Variants in MYO1E observed in about 807,000 individuals in gnomAD.
MYO1E encodes the protein unconventional myosin-Ie.
MYO1E carries 68 observed loss-of-function variants against 151.1 expected under a neutral mutation model. The observed-to-expected ratio is 0.45, with a 90% CI of 0.37 to 0.55. MYO1E has a LOEUF of 0.55. Ranked by LOEUF, MYO1E falls within the 20% of genes least tolerant of loss-of-function variation. The probability of loss-of-function intolerance (pLI) is 0.00; values close to 1 mark genes in which losing one functional copy is unlikely to be tolerated. For missense variants in MYO1E, 1,363 were observed against 1,389.3 expected, an observed-to-expected ratio of 0.98 and a Z score of 0.30; for synonymous variants, 601 against 501.7, an observed-to-expected ratio of 1.20 and a Z score of -2.64.
At chr15:59,308,694 C>T (rs1452425168) in intron 1 of MYO1E, among the ~76,000 whole-genome samples, 2 of 146,040 alleles carry the variant, frequency 1.4e-5, no homozygotes, top group East Asian at 2.1e-4. Flanking sequence ...AAAAAATTAG[C>T]TGGGCATGGT....
chr15:59,158,924 C>G (rs1393029661), intron 24 of MYO1E, among the ~76,000 whole-genome samples: 2 of 152,140 alleles, frequency 1.3e-5, no homozygotes, highest in Admixed American at 1.3e-4. Flanking sequence ...GAGGAACAAG[C>G]TGGGGCCAAA....
intron 4 of MYO1E, among the ~76,000 whole-genome samples, chr15:59,244,238 C>T (rs1383484289): frequency 1.3e-5 from 2 of 152,222 alleles, no homozygotes; most frequent in Non-Finnish European, 2.9e-5. Flanking sequence ...ATATGGATGG[C>T]CCCATGGCAA....
At chr15:59,271,506 T>C (rs968825957) in intron 2 of MYO1E, among the ~76,000 whole-genome samples, 1 of 152,220 alleles carries the variant, frequency 6.6e-6, no homozygotes, top group South Asian at 2.1e-4. Context: ...CTTTACATAG[T>C]TGCATCAAAC....
chr15:59,228,891 A>C (rs1262589377), intron 6 of MYO1E, among the ~76,000 whole-genome samples: 4 of 152,192 alleles, frequency 2.6e-5, no homozygotes, highest in Admixed American at 6.5e-5. Context: ...AAGAAAGACC[A>C]CCGAAGGCGG....
chr15:59,201,014 T>A (rs4775126), intron 16 of MYO1E, among the ~76,000 whole-genome samples: 141,523 of 152,166 alleles, frequency 0.93, 66,692 homozygotes, highest in Non-Finnish European at 1. Flanking sequence ...GTATAATTTT[T>A]AAAAAAATTA....
At chr15:59,208,131 A>G (rs2079852734) in intron 14 of MYO1E, 2 of 1,490,030 alleles carry the variant, frequency 1.3e-6, no homozygotes, top group African/African-American at 1.4e-5. Flanking sequence ...GAGATCATAG[A>G]TACAGGATTA....
chr15:59,277,274 C>T (rs1200275806), intron 1 of MYO1E, among the ~76,000 whole-genome samples: 1 of 152,078 alleles, frequency 6.6e-6, no homozygotes, highest in Non-Finnish European at 1.5e-5. Context: ...GGGCCAGGCG[C>T]GGTGGCTCAT....
At chr15:59,267,547 G>T (rs976670131) in intron 2 of MYO1E, among the ~76,000 whole-genome samples, 2 of 152,174 alleles carry the variant, frequency 1.3e-5, no homozygotes, top group African/African-American at 4.8e-5. Context: ...CCAAGGGCCA[G>T]ACCTCACTCG....
chr15:59,151,072 TAGAG>T (rs1246156393), intron 26 of MYO1E, among the ~76,000 whole-genome samples: 50 of 139,280 alleles, frequency 3.6e-4, no homozygotes, highest in African/African-American at 9.2e-4. Context: ...CACGTGCACT[TAGAG>T]AGAGGTCTAC....
At chr15:59,186,470 A>G (rs543143550) in intron 18 of MYO1E, among the ~76,000 whole-genome samples, 34 of 152,238 alleles carry the variant, frequency 2.2e-4, no homozygotes, top group African/African-American at 7.9e-4. Context: ...GTTTCTGATT[A>G]AAATGCTCAG....
At chr15:59,161,267 C>G in intron 23 of MYO1E, 37 bp from the exon 24 acceptor site, 3 of 1,607,762 alleles carry the variant, frequency 1.9e-6, no homozygotes, top group Non-Finnish European at 2.6e-6. Context: ...GGTCGAAGGA[C>G]GCAGTGAGAA....
At chr15:59,247,454 A>T (rs995592275) in intron 4 of MYO1E, among the ~76,000 whole-genome samples, 1 of 152,242 alleles carries the variant, frequency 6.6e-6, no homozygotes, top group African/African-American at 2.4e-5. Context: ...GCCATCTACT[A>T]GTTTTGGATC....
chr15:59,345,320 A>G (rs2080788271), intron 1 of MYO1E, among the ~76,000 whole-genome samples: 1 of 152,092 alleles, frequency 6.6e-6, no homozygotes, highest in South Asian at 2.1e-4. Flanking sequence ...AAGCAAAGGT[A>G]TCAGGACTGA....
At chr15:59,347,980 A>T (rs1223497816) in intron 1 of MYO1E, among the ~76,000 whole-genome samples, 1 of 152,232 alleles carries the variant, frequency 6.6e-6, no homozygotes, top group Non-Finnish European at 1.5e-5. Flanking sequence ...ACACAGCTGT[A>T]AAGCAGCGGC....
intron 1 of MYO1E, among the ~76,000 whole-genome samples, chr15:59,337,074 T>C (rs372296325): frequency 6.6e-6 from 1 of 152,202 alleles, no homozygotes; most frequent in Admixed American, 6.5e-5. Context: ...AGTTACTGAA[T>C]TGTACAGTTA....
At chr15:59,166,060 A>G (rs1265883783) in intron 22 of MYO1E, among the ~76,000 whole-genome samples, 1 of 152,236 alleles carries the variant, frequency 6.6e-6, no homozygotes, top group Non-Finnish European at 1.5e-5. Context: ...GAAAAAAGCA[A>G]GCAGGCCAAA....
chr15:59,351,560 G>A (rs576624800), intron 1 of MYO1E, among the ~76,000 whole-genome samples: 24 of 152,210 alleles, frequency 1.6e-4, no homozygotes, highest in Non-Finnish European at 2.6e-4. Context: ...AGTGACAGAT[G>A]CAAAGCCGTG....
intron 2 of MYO1E, among the ~76,000 whole-genome samples, chr15:59,264,282 A>G (rs1310564464): frequency 6.6e-6 from 1 of 152,186 alleles, no homozygotes; most frequent in East Asian, 1.9e-4. Context: ...AAATTTTTAA[A>G]AGTTGCTTAA....
rs189751577 is a variant in MYO1E, at chr15:59,137,145, G to C, written c.*235C>G. 5.3e-6 allele frequency: 3 copies of C among 567,566 alleles called. No individual in the cohort carries two copies. Among genetic ancestry groups the C allele is most frequent in the African/African-American group, 1.9e-5 (1 of 53,334 alleles). The allele number at this position is 567,566 out of a possible 1,614,324, so 35.2% of individuals were successfully genotyped here. A position where few individuals can be genotyped will look rare whatever the true frequency, so the allele number is the denominator to read the frequency against. On this transcript the variant is annotated 3_prime_UTR_variant, in exon 28 of 28. Coordinates refer to ENST00000288235, the MANE Select transcript of MYO1E (RefSeq NM_004998.4). ...CAATAAATAAATCTTAATGCATGGT[G>C]GTTTTGTCCTCCTGGGTTCCTATGA...
Sources: gnomAD v4.1 joint callset for allele counts (sites outside exome capture counted in the v4.1 genomes callset) on GRCh38, gnomAD v4.1.1 for gene constraint, MANE v1.5 for transcripts, NCBI Gene and HGNC (gene_info 2026-07-23, HGNC 2026-07-21) for gene names.